Variants in HHLA2 observed in about 807,000 individuals in gnomAD.
The protein encoded by HHLA2 is HHLA2 member of B7 family, also known as HERV-H LTR-associating protein 2.
In HHLA2, 48 loss-of-function variants were observed where a neutral mutation model predicts 45.9. That is an observed-to-expected ratio of 1.05 (90% CI 0.83 to 1.33). HHLA2 has a LOEUF of 1.33. HHLA2 is among the 40% of genes most tolerant of loss of function. The probability of loss-of-function intolerance (pLI) is 0.00; values close to 1 mark genes in which losing one functional copy is unlikely to be tolerated. For synonymous variants in HHLA2, 161 were observed against 173.9 expected, an observed-to-expected ratio of 0.93 and a Z score of 0.59; for missense variants, 462 against 494.3, an observed-to-expected ratio of 0.93 and a Z score of 0.62.
intron 8 of HHLA2, among the ~76,000 whole-genome samples, chr3:108,369,746 G>A (rs1487600468): frequency 1.3e-5 from 2 of 152,180 alleles, no homozygotes; most frequent in African/African-American, 2.4e-5. Context: ...AAACTGCAAG[G>A]CAGCAGCGAG....
intron 7 of HHLA2, among the ~76,000 whole-genome samples, chr3:108,361,517 A>G (rs940028673): frequency 6.6e-6 from 1 of 152,228 alleles, no homozygotes; most frequent in South Asian, 2.1e-4. Flanking sequence ...TACACCAAAA[A>G]GAAGCCGTGA....
At chr3:108,337,666 A>G (rs2081496813) in intron 3 of HHLA2, among the ~76,000 whole-genome samples, 1 of 152,046 alleles carries the variant, frequency 6.6e-6, no homozygotes, top group Admixed American at 6.6e-5. Flanking sequence ...CTCCCCAGAA[A>G]CTTTATAAGG....
intron 8 of HHLA2, among the ~76,000 whole-genome samples, chr3:108,374,310 C>T (rs1297444644): frequency 2.6e-5 from 4 of 151,794 alleles, no homozygotes; most frequent in African/African-American, 9.7e-5. Context: ...CTTCCTTACA[C>T]CTTATACAAA....
At chr3:108,300,264 A>G (rs9637380) in intron 1 of HHLA2, among the ~76,000 whole-genome samples, 27,133 of 152,062 alleles carry the variant, frequency 0.18, 3,846 homozygotes, top group East Asian at 0.75. Flanking sequence ...CAGCTTTTGC[A>G]GAGACAGGAG....
chr3:108,309,917 T>C (rs2080990978), intron 1 of HHLA2, among the ~76,000 whole-genome samples: 1 of 151,876 alleles, frequency 6.6e-6, no homozygotes, highest in Admixed American at 6.5e-5. Flanking sequence ...AATTATTTGG[T>C]ATGGAAAAAA....
At chr3:108,349,166 C>CA (rs1257050403) in intron 3 of HHLA2, among the ~76,000 whole-genome samples, 4 of 147,292 alleles carry the variant, frequency 2.7e-5, no homozygotes, top group Non-Finnish European at 4.5e-5. Flanking sequence ...GGTAGAGGAA[C>CA]AAAAAACCCT....
At chr3:108,327,330 A>C (rs1023578802) in intron 2 of HHLA2, among the ~76,000 whole-genome samples, 1 of 152,136 alleles carries the variant, frequency 6.6e-6, no homozygotes, top group African/African-American at 2.4e-5. Context: ...TTTGAGGTTT[A>C]TAGGGCTTCT....
intron 2 of HHLA2, among the ~76,000 whole-genome samples, chr3:108,312,073 G>A (rs1041865127): frequency 2.0e-5 from 3 of 152,160 alleles, no homozygotes; most frequent in Non-Finnish European, 4.4e-5. Context: ...AAGAAGCCAC[G>A]TTCCCCCCAT....
At chr3:108,373,470 C>A (rs948847302) in intron 8 of HHLA2, among the ~76,000 whole-genome samples, 1 of 152,026 alleles carries the variant, frequency 6.6e-6, no homozygotes, top group Non-Finnish European at 1.5e-5. Flanking sequence ...GTTGGAAGTT[C>A]TGGCCAGGGC....
At chr3:108,327,580 G>T (rs1161505581) in intron 2 of HHLA2, among the ~76,000 whole-genome samples, 2 of 152,102 alleles carry the variant, frequency 1.3e-5, no homozygotes, top group Non-Finnish European at 2.9e-5. Flanking sequence ...CTAGTCAGCT[G>T]TTAAATCAAT....
chr3:108,338,455 C>T (rs72937782), intron 3 of HHLA2, among the ~76,000 whole-genome samples: 3,079 of 151,846 alleles, frequency 0.02, 107 homozygotes, highest in African/African-American at 0.071. Context: ...TGAGGACATG[C>T]TTGTTGGGGG....
At chr3:108,355,053 A>T in intron 5 of HHLA2, 62 bp from the exon 5 acceptor site, 1 of 1,507,334 alleles carries the variant, frequency 6.6e-7, no homozygotes, top group South Asian at 1.3e-5. Context: ...TATTCTGCAC[A>T]GACGGCCTAT....
intron 2 of HHLA2, among the ~76,000 whole-genome samples, chr3:108,321,091 T>TAAAAAAAAAAAAAA (rs67374827): frequency 4.9e-5 from 5 of 101,418 alleles, no homozygotes; most frequent in Non-Finnish European, 8.1e-5. Flanking sequence ...TCCAGGTGTT[T>TAAAAAAAAAAAAAA]AAAAAAAAAA....
chr3:108,312,898 G>A (rs2081044006), intron 2 of HHLA2, among the ~76,000 whole-genome samples: 1 of 152,146 alleles, frequency 6.6e-6, no homozygotes, highest in South Asian at 2.1e-4. Flanking sequence ...ATGGTGAAAT[G>A]GAGGTTGTGA....
intron 8 of HHLA2, among the ~76,000 whole-genome samples, chr3:108,364,940 G>C (rs1345721079): frequency 1.3e-5 from 2 of 152,126 alleles, no homozygotes; most frequent in African/African-American, 4.8e-5. Flanking sequence ...CTCCCATTCT[G>C]TAGGTTGCCT....
chr3:108,354,491 G>A (rs778769205), intron 5 of HHLA2, among the ~76,000 whole-genome samples: 12 of 151,910 alleles, frequency 7.9e-5, no homozygotes, highest in South Asian at 2.1e-4. Context: ...CCTAATTACC[G>A]GATTACCAAG....
chr3:108,310,254 A>G (rs1452173553), intron 1 of HHLA2, among the ~76,000 whole-genome samples: 1 of 152,156 alleles, frequency 6.6e-6, no homozygotes, highest in Non-Finnish European at 1.5e-5. Context: ...CCCAGTTTTG[A>G]TATTTATAGG....
intron 2 of HHLA2, among the ~76,000 whole-genome samples, chr3:108,327,004 A>G (rs1288142101): frequency 1.3e-5 from 2 of 152,132 alleles, no homozygotes; most frequent in Non-Finnish European, 2.9e-5. Context: ...GTGCAGTTCT[A>G]CTGGCTTCAA....
chr3:108,328,716 A>G (rs2081333565), intron 3 of HHLA2, among the ~76,000 whole-genome samples: 2 of 152,310 alleles, frequency 1.3e-5, no homozygotes, highest in South Asian at 2.1e-4. Flanking sequence ...TCTTATGACT[A>G]TAAATTTTAA....
Sources: allele counts gnomAD v4.1 joint callset (sites outside exome capture counted in the v4.1 genomes callset), GRCh38; gene constraint gnomAD v4.1.1; transcripts MANE v1.5; gene names NCBI Gene and HGNC (gene_info 2026-07-23, HGNC 2026-07-21).